STK32B: variants seen among roughly 807,000 people sequenced by gnomAD.
STK32B encodes serine/threonine-protein kinase 32B.
A neutral mutation model predicts 52.6 loss-of-function variants in STK32B; 43 were observed. The ratio of observed to expected loss-of-function variants is 0.82; its 90% CI spans 0.64 to 1.05. The LOEUF (loss-of-function observed/expected upper bound fraction) is 1.05, where lower values mean the gene tolerates loss of function less well. Ranked by LOEUF, STK32B falls within the 50% of genes least tolerant of loss-of-function variation. STK32B has a pLI of 0.00. For synonymous variants in STK32B, 238 were observed against 204.3 expected (o/e 1.17, Z -1.41); for missense variants, 621 against 534.6 (o/e 1.16, Z -1.59).
intron 3 of STK32B, among the ~76,000 whole-genome samples, chr4:5,306,859 G>A (rs546640866): frequency 6.6e-6 from 1 of 152,228 alleles, no homozygotes; most frequent in East Asian, 1.9e-4. Context: ...CTCAGCATTT[G>A]TTTGTCTGAA....
At chr4:5,426,696 A>C (rs1381923652) in intron 6 of STK32B, among the ~76,000 whole-genome samples, 3 of 140,600 alleles carry the variant, frequency 2.1e-5, no homozygotes, top group East Asian at 3.9e-4. Context: ...TCTAAACAAA[A>C]AAAAAAAAAA....
intron 1 of STK32B, among the ~76,000 whole-genome samples, chr4:5,114,062 GGA>G (rs1714574563): frequency 6.6e-6 from 1 of 152,000 alleles, no homozygotes; most frequent in Non-Finnish European, 1.5e-5. Context: ...AAATTGTGAA[GGA>G]TACAATTCAA....
chr4:5,167,893 A>G lies in STK32B; in HGVS notation c.109-406A>G, dbSNP rs141450862. Among the ~76,000 whole-genome samples the G allele has an allele frequency of 2.4e-3, 373 of 152,320 alleles. 1 individual carries two copies. Among genetic ancestry groups the G allele is most frequent in the Middle Eastern group, 0.01 (3 of 294 alleles). ...GGTAGGTGCAGAAGTGGGAAAGGTG[A>G]GGAGATTCAGGTGGGCACAGACGGA... On this transcript the variant is annotated intron_variant, in intron 2 of 11. Transcript: ENST00000282908.
At chr4:5,474,510 A>T (rs1340415509) in intron 11 of STK32B, among the ~76,000 whole-genome samples, 2 of 152,360 alleles carry the variant, frequency 1.3e-5, no homozygotes, top group East Asian at 3.9e-4. Context: ...AGGAAAGGTT[A>T]GTCCTTGTAT....
intron 3 of STK32B, among the ~76,000 whole-genome samples, chr4:5,300,200 A>G (rs1198362090): frequency 1.3e-5 from 2 of 152,220 alleles, no homozygotes; most frequent in South Asian, 2.1e-4. Context: ...ATCTCAATAG[A>G]TGCAGAAAAA....
chr4:5,139,135 G>T (rs1448429749), intron 1 of STK32B, among the ~76,000 whole-genome samples: 1 of 152,170 alleles, frequency 6.6e-6, no homozygotes, highest in East Asian at 1.9e-4. Flanking sequence ...GTAGACAGGT[G>T]TGAGACACTG....
rs1226230211 is a variant in STK32B, at chr4:5,332,615, T to C, written c.434+1222T>C. ...CACCCAATAACTCGTCATTTAGCAT[T>C]AGATATATCTCCTAATGCTATCCCT... On this transcript the variant is annotated intron_variant, in intron 4 of 11. Coordinates refer to ENST00000282908, the MANE Select transcript of STK32B (RefSeq NM_018401.3). 2.0e-5 allele frequency among the ~76,000 whole-genome samples: 3 copies of C among 152,180 alleles called. No individual in the cohort carries two copies. In the East Asian group the frequency reaches 5.8e-4, roughly 29 times the overall value.
chr4:5,464,255 A>G (rs59493885), intron 9 of STK32B, among the ~76,000 whole-genome samples: 1 of 152,342 alleles, frequency 6.6e-6, no homozygotes, highest in East Asian at 1.9e-4. Context: ...TGGGAATTAC[A>G]TCTCAACATG....
chr4:5,353,551 AAAAAAT>A (rs1274396673), intron 4 of STK32B, among the ~76,000 whole-genome samples: 1 of 152,086 alleles, frequency 6.6e-6, no homozygotes, highest in Non-Finnish European at 1.5e-5. Flanking sequence ...CAGTAAAAAA[AAAAAAT>A]AAAAATAAAA....
At chr4:5,027,754 C>T in the STK32B span, among the ~76,000 whole-genome samples, 2 of 152,304 alleles carry the variant, frequency 1.3e-5, no homozygotes, top group East Asian at 3.9e-4. Flanking sequence ...ATCAGTGTCT[C>T]TACCTGGTGT....
At chr4:5,482,758 C>A (rs1166581738) in intron 11 of STK32B, among the ~76,000 whole-genome samples, 1 of 152,060 alleles carries the variant, frequency 6.6e-6, no homozygotes, top group Non-Finnish European at 1.5e-5. Flanking sequence ...TGAGATATGT[C>A]CCATCAATAC....
chr4:5,399,043 C>T lies in STK32B; in HGVS notation c.472+799C>T, dbSNP rs1174854751. On this transcript the variant is annotated intron_variant, in intron 5 of 11. Coordinates refer to ENST00000282908, the MANE Select transcript of STK32B (RefSeq NM_018401.3). The surrounding 1 kb of genome is among the most constrained non-coding windows in gnomAD (Gnocchi z 5.4). ...GTGTCCTGTGTTGGGATGGAATGCC[C>T]ACAAAGTTTAAGAACCATGAGCCTA... is the stretch of plus-strand genomic sequence containing the variant. Among the ~76,000 whole-genome samples, 2 of 152,216 alleles carry T rather than the reference C, an allele frequency of 1.3e-5. No homozygotes were observed. Among genetic ancestry groups the T allele is most frequent in the African/African-American group, 2.4e-5 (1 of 41,456 alleles).
chr4:5,235,451 G>A (rs1724557197), intron 3 of STK32B, among the ~76,000 whole-genome samples: 1 of 152,174 alleles, frequency 6.6e-6, no homozygotes, highest in African/African-American at 2.4e-5. Context: ...CTTTGGTGAA[G>A]ATGAAATGTC....
intron 6 of STK32B, among the ~76,000 whole-genome samples, chr4:5,444,506 C>T (rs1362995160): frequency 6.6e-6 from 1 of 152,200 alleles, no homozygotes; most frequent in Non-Finnish European, 1.5e-5. Context: ...CTGTCTGGCA[C>T]TCCCTAGTGA....
intron 5 of STK32B, among the ~76,000 whole-genome samples, chr4:5,406,304 C>T (rs980517553): frequency 2.0e-5 from 3 of 152,200 alleles, no homozygotes; most frequent in African/African-American, 7.2e-5. Flanking sequence ...GCTGCCTTCA[C>T]AGGTTGGCAT....
chr4:5,153,129 G>T (rs1717509234), intron 2 of STK32B, among the ~76,000 whole-genome samples: 1 of 152,236 alleles, frequency 6.6e-6, no homozygotes, highest in Admixed American at 6.5e-5. Flanking sequence ...GTTGAAACTG[G>T]CTTCTATCAC....
chr4:5,160,028 G>C (rs1479459993), intron 2 of STK32B, among the ~76,000 whole-genome samples: 1 of 151,966 alleles, frequency 6.6e-6, no homozygotes, highest in Non-Finnish European at 1.5e-5. Flanking sequence ...CCATATTACA[G>C]AGGGCAATCC....
rs1728106931 is a variant in STK32B at position 5,280,285 on chromosome 4, C to G, written c.261-50935C>G. Among the ~76,000 whole-genome samples the G allele has an allele frequency of 3.9e-5, 6 of 152,290 alleles. No individual in the cohort carries two copies. In the South Asian group the frequency reaches 1.2e-3, roughly 32 times the overall value. On this transcript the variant is annotated intron_variant, in intron 3 of 11. Coordinates refer to ENST00000282908, the MANE Select transcript of STK32B (RefSeq NM_018401.3). ...TACCATTGTCTTTGCTAAAGCATAG[C>G]AAGAGTGACCTTTACTCCAGTTCCC...
At chr4:5,243,121 G>T (rs985619849) in intron 3 of STK32B, among the ~76,000 whole-genome samples, 12 of 151,884 alleles carry the variant, frequency 7.9e-5, no homozygotes, top group East Asian at 1.9e-4. Context: ...GAAGAAAGTC[G>T]TTGGTAGCTT....
Sources: allele counts gnomAD v4.1 joint callset (sites outside exome capture counted in the v4.1 genomes callset), GRCh38; gene constraint gnomAD v4.1.1; non-coding constraint Gnocchi (gnomAD v3.1); transcripts MANE v1.5; gene names NCBI Gene and HGNC (gene_info 2026-07-23, HGNC 2026-07-21).